Variants in MBNL2 observed in about 807,000 individuals in gnomAD.
The protein encoded by MBNL2 is muscleblind-like protein 2.
In MBNL2, 17 loss-of-function variants were observed where a neutral mutation model predicts 41.9. The observed-to-expected ratio is 0.41, with a 90% CI of 0.28 to 0.61. The LOEUF (loss-of-function observed/expected upper bound fraction) is 0.61. Among genes scored for constraint, MBNL2 ranks in the 20% least tolerant of loss-of-function variants. MBNL2 has a pLI of 0.35. For missense variants in MBNL2, 336 were observed against 505.6 expected (o/e 0.66, Z 3.22); for synonymous variants, 195 against 182.9 (o/e 1.07, Z -0.53).
chr13:97,360,963 G>C (rs918836485), intron 7 of MBNL2, among the ~76,000 whole-genome samples: 1 of 152,230 alleles, frequency 6.6e-6, no homozygotes, highest in African/African-American at 2.4e-5. Flanking sequence ...GTGAAAGATT[G>C]ATCAGTGTTT....
chr13:97,389,870 A>T (rs1403558416), intron 8 of MBNL2, among the ~76,000 whole-genome samples: 1 of 152,162 alleles, frequency 6.6e-6, no homozygotes, highest in African/African-American at 2.4e-5. Context: ...CTTGAAACTA[A>T]GGGATGAAAT....
intron 8 of MBNL2, among the ~76,000 whole-genome samples, chr13:97,369,695 C>G (rs2064180475): frequency 6.6e-6 from 1 of 152,090 alleles, no homozygotes; most frequent in African/African-American, 2.4e-5. Context: ...ACACATTACC[C>G]CACGGGGAGC....
the MBNL2 span, among the ~76,000 whole-genome samples, chr13:97,202,464 A>C: frequency 6.6e-6 from 1 of 152,182 alleles, no homozygotes; most frequent in East Asian, 1.9e-4. Flanking sequence ...TGTAAAAATT[A>C]AATGAAATAA....
In MBNL2 at chr13:97,346,661, G is replaced by A. The variant is rs890260829; in HGVS notation, c.541-143G>A. The A allele has an allele frequency of 6.5e-6, 4 of 616,774 alleles. No individual in the cohort carries two copies. The highest frequency in any genetic ancestry group is 5.6e-6 in the Non-Finnish European group (2 of 357,876). 38.2% of individuals were successfully genotyped at this position (616,774 alleles called of 1,614,324 possible). ...CAGAGATTGTGGTTACCTGGGCTCC[G>A]CATAATCAATCTTTTCTTGTCAGTG... On this transcript the variant is annotated intron_variant, in intron 4 of 8. Coordinates refer to ENST00000679496, the MANE Select transcript of MBNL2 (RefSeq NM_001382683.1). The surrounding 1 kb of genome is among the most constrained non-coding windows in gnomAD (Gnocchi z 4.2).
At chr13:97,144,423 C>CTTTTTTTTTTTTTTTTT in the MBNL2 span, among the ~76,000 whole-genome samples, 18 of 118,082 alleles carry the variant, frequency 1.5e-4, 2 homozygotes, top group African/African-American at 6.4e-4. Flanking sequence ...CATGATACTT[C>CTTTTTTTTTTTTTTTTT]TTTTTTTTTT....
the MBNL2 span, among the ~76,000 whole-genome samples, chr13:97,214,284 C>A: frequency 7.2e-5 from 11 of 152,308 alleles, no homozygotes; most frequent in African/African-American, 2.6e-4. Flanking sequence ...TAAAACTTGG[C>A]TTTAATGACC....
chr13:97,348,483 A>T (rs1288432860), intron 5 of MBNL2, among the ~76,000 whole-genome samples: 1 of 152,186 alleles, frequency 6.6e-6, no homozygotes, highest in Non-Finnish European at 1.5e-5. Flanking sequence ...GGCTTATCAG[A>T]AGTCTATGTT....
chr13:97,297,572 A>G (rs774443228), intron 2 of MBNL2, among the ~76,000 whole-genome samples: 1 of 152,080 alleles, frequency 6.6e-6, no homozygotes. Context: ...TCTCTCAGCC[A>G]TCCCCTCCCT....
chr13:97,224,879 G>T (rs1407932514), intron 1 of MBNL2, among the ~76,000 whole-genome samples: 1 of 152,096 alleles, frequency 6.6e-6, no homozygotes, highest in East Asian at 1.9e-4. Flanking sequence ...TTTTTCCATC[G>T]ATCTAATCTA....
At chr13:97,277,386 C>G (rs1486446425) in intron 2 of MBNL2, among the ~76,000 whole-genome samples, 1 of 152,124 alleles carries the variant, frequency 6.6e-6, no homozygotes, top group Non-Finnish European at 1.5e-5. Flanking sequence ...AAGACTTCAG[C>G]AAGGTTACCA....
intron 2 of MBNL2, among the ~76,000 whole-genome samples, chr13:97,318,197 A>G (rs1213089768): frequency 6.6e-6 from 1 of 152,236 alleles, no homozygotes; most frequent in Non-Finnish European, 1.5e-5. Flanking sequence ...CACTAAGGAG[A>G]TCATTCCTGT....
intron 2 of MBNL2, among the ~76,000 whole-genome samples, chr13:97,310,782 CTTTTTTTTT>C (rs11345201): frequency 7.4e-5 from 10 of 136,036 alleles, no homozygotes; most frequent in African/African-American, 2.5e-4. Context: ...AATTCAGCAT[CTTTTTTTTT>C]TTTTTTTTTT....
the MBNL2 span, among the ~76,000 whole-genome samples, chr13:97,144,916 G>T: frequency 1.3e-5 from 2 of 152,150 alleles, no homozygotes; most frequent in East Asian, 1.9e-4. Flanking sequence ...GTTACATAAT[G>T]ACAGTGGTAC....
chr13:97,251,038 C>T (rs182859326), intron 1 of MBNL2, among the ~76,000 whole-genome samples: 177 of 151,972 alleles, frequency 1.2e-3, no homozygotes, highest in African/African-American at 3.9e-3. Context: ...AACTCTTGTA[C>T]GGTCAGTTTT....
At chr13:97,162,654 G>A in the MBNL2 span, among the ~76,000 whole-genome samples, 7 of 152,176 alleles carry the variant, frequency 4.6e-5, no homozygotes, top group Non-Finnish European at 8.8e-5. Flanking sequence ...GAGGAAGTCA[G>A]CAGTCATTAT....
rs747651126 is a variant in MBNL2 at position 97,370,677 on chromosome 13, AAAG to A, written c.1048+5509_1048+5511del. 3.2e-4 allele frequency among the ~76,000 whole-genome samples: 49 copies of A among 151,324 alleles called. 1 individual carries two copies. Among genetic ancestry groups the A allele is most frequent in the Middle Eastern group, 3.4e-3 (1 of 294 alleles). On this transcript the variant is annotated intron_variant, in intron 8 of 8. Transcript: ENST00000679496. ...AGAGGGAAACTCCGTCAAAAAAAAAAAAGAAAGAAAGAAAGAAAGAAACCATAT... is the reference window on the plus strand; with the variant it reads ...AGAGGGAAACTCCGTCAAAAAAAAAAAAAGAAAGAAAGAAAGAAACCATAT...
intron 3 of MBNL2, among the ~76,000 whole-genome samples, chr13:97,341,168 C>A (rs2061411262): frequency 6.6e-6 from 1 of 152,094 alleles, no homozygotes; most frequent in South Asian, 2.1e-4. Flanking sequence ...GACAATGCTC[C>A]CCAAATTTGG....
At position 97,334,130 on chromosome 13, in the gene MBNL2, G is replaced by A. The variant is rs904848884; in HGVS notation, c.175-146G>A. ...ATTCACTTTTCCCCAACAAACACATGAGCATGCGCGCGCACACCCACACAC... is the reference window on the plus strand; with the variant it reads ...ATTCACTTTTCCCCAACAAACACATAAGCATGCGCGCGCACACCCACACAC... On this transcript the variant is annotated intron_variant, in intron 2 of 8. Transcript: ENST00000679496. The surrounding 1 kb of genome is among the most constrained non-coding windows in gnomAD (Gnocchi z 5.3). 2 of 491,510 alleles carry A rather than the reference G, an allele frequency of 4.1e-6. No individual in the cohort carries two copies. The highest frequency in any genetic ancestry group is 7.0e-6 in the Non-Finnish European group (2 of 285,418). The allele number at this position is 491,510 out of a possible 1,614,324, so 30.4% of individuals were successfully genotyped here. A position where few individuals can be genotyped will look rare whatever the true frequency, so the allele number is the denominator to read the frequency against.
chr13:97,164,160 C>A, the MBNL2 span, among the ~76,000 whole-genome samples: 1 of 152,276 alleles, frequency 6.6e-6, no homozygotes, highest in Admixed American at 6.5e-5. Flanking sequence ...GTGTGCACCA[C>A]CATGTCCAGC....
Sources: allele counts gnomAD v4.1 joint callset (sites outside exome capture counted in the v4.1 genomes callset), GRCh38; gene constraint gnomAD v4.1.1; non-coding constraint Gnocchi (gnomAD v3.1); transcripts MANE v1.5; gene names NCBI Gene and HGNC (gene_info 2026-07-23, HGNC 2026-07-21).